SPTBN1: variants seen among roughly 807,000 people sequenced by gnomAD.
SPTBN1 encodes the protein spectrin beta, non-erythrocytic 1, also known as spectrin beta chain, non-erythrocytic 1.
SPTBN1 carries 32 observed loss-of-function variants against 266.4 expected under a neutral mutation model. That is an observed-to-expected ratio of 0.12 (90% CI 0.09 to 0.16). The LOEUF (loss-of-function observed/expected upper bound fraction) is 0.16. Ranked by LOEUF, SPTBN1 falls within the 10% of genes least tolerant of loss-of-function variation. The pLI is 1.00. For synonymous variants in SPTBN1, 1,336 were observed against 1,162.2 expected (o/e 1.15, Z -3.04); for missense variants, 2,296 against 3,067.1 (o/e 0.75, Z 5.94).
intron 1 of SPTBN1, among the ~76,000 whole-genome samples, chr2:54,500,126 A>T (rs1399580649): frequency 6.6e-6 from 1 of 152,212 alleles, no homozygotes; most frequent in East Asian, 1.9e-4. Flanking sequence ...GCGGTTTTTC[A>T]TTCTTTGAAA....
At chr2:54,512,668 C>T (rs900532715) in intron 1 of SPTBN1, among the ~76,000 whole-genome samples, 14 of 152,256 alleles carry the variant, frequency 9.2e-5, no homozygotes, top group African/African-American at 2.9e-4. Context: ...AATTTTATAA[C>T]TTACAAATTT....
intron 2 of SPTBN1, among the ~76,000 whole-genome samples, chr2:54,539,593 G>A (rs1275796453): frequency 6.6e-6 from 1 of 152,186 alleles, no homozygotes. Flanking sequence ...AGACTGGAGT[G>A]CAGTGGTGCG....
At position 54,645,335 on chromosome 2, in the gene SPTBN1, A is replaced by G. The variant is rs1489760485; in HGVS notation, c.4376A>G (p.Lys1459Arg). ...EGKSTDEVDS[K>R]RLTVQTKFME... ...AAGAGCACCGACGAGGTAGACAGCAAGCGCCTCACCGTGCAGACCAAGTTC... is the reference window on the plus strand; with the variant it reads ...AAGAGCACCGACGAGGTAGACAGCAGGCGCCTCACCGTGCAGACCAAGTTC... Residue 1459 changes from lysine (K) to arginine (R), a missense_variant, in exon 21 of 36, where the codon AAG becomes AGG. Coordinates refer to ENST00000356805, the MANE Select transcript of SPTBN1 (RefSeq NM_003128.3). This position sits in a 1 kb window ranked among gnomAD's most constrained non-coding sequence, Gnocchi z 4.3. 1 of 1,614,226 alleles carries G rather than the reference A, an allele frequency of 6.2e-7. No homozygotes were observed. Among genetic ancestry groups the G allele is most frequent in the Non-Finnish European group, 8.5e-7 (1 of 1,180,036 alleles).
At chr2:54,494,916 T>A (rs1558777666) in intron 1 of SPTBN1, among the ~76,000 whole-genome samples, 1 of 116,102 alleles carries the variant, frequency 8.6e-6, no homozygotes, top group African/African-American at 3.4e-5. Context: ...CTGTTTTTTT[T>A]TAAAAAAAAA....
chr2:54,629,356 A>T lies in SPTBN1; in HGVS notation c.2222A>T (p.Glu741Val), dbSNP rs766247389. The T allele has an allele frequency of 4.3e-6, 7 of 1,614,076 alleles. No homozygotes were observed. Among genetic ancestry groups the T allele is most frequent in the Non-Finnish European group, 5.1e-6 (6 of 1,180,014 alleles). ...TCGGCCATTCGGAAGAAGCGCCTGG[A>T]GGAGGCCTCCCTGCTGCACCAGTTC... ...QLSAIRKKRL[E>V]EASLLHQFQA... is the part of the protein sequence containing the mutation. The change falls in exon 14 of 36, where the codon GAG becomes GTG. Residue 741 changes from glutamate to valine, a missense_variant. Coordinates refer to ENST00000356805, the MANE Select transcript of SPTBN1 (RefSeq NM_003128.3).
chr2:54,505,753 G>C (rs368924671), intron 1 of SPTBN1, among the ~76,000 whole-genome samples: 1 of 152,162 alleles, frequency 6.6e-6, no homozygotes, highest in Non-Finnish European at 1.5e-5. Context: ...ATCTTCTGCT[G>C]TTGCTTCACA....
intron 2 of SPTBN1, among the ~76,000 whole-genome samples, chr2:54,541,097 C>A (rs1300557599): frequency 1.3e-5 from 2 of 152,336 alleles, no homozygotes; most frequent in East Asian, 3.9e-4. Flanking sequence ...TTAGCTTTTA[C>A]CTTTTTCTCT....
intron 1 of SPTBN1, among the ~76,000 whole-genome samples, chr2:54,464,831 G>A (rs1475258061): frequency 2.0e-5 from 3 of 152,010 alleles, no homozygotes; most frequent in Non-Finnish European, 4.4e-5. Flanking sequence ...TTGCAGGCGT[G>A]TACCACCACA....
At chr2:54,583,346 A>C (rs1434832204) in intron 2 of SPTBN1, among the ~76,000 whole-genome samples, 1 of 152,194 alleles carries the variant, frequency 6.6e-6, no homozygotes, top group Non-Finnish European at 1.5e-5. Context: ...CCTACTGCTT[A>C]GTAGAGCAAT....
In SPTBN1 at chr2:54,668,859, G is replaced by A; in HGVS notation, c.*290G>A. 1 of 339,556 alleles carries A rather than the reference G, an allele frequency of 2.9e-6. No homozygotes were observed. The highest frequency in any genetic ancestry group is 5.5e-6 in the Non-Finnish European group (1 of 180,950). The allele number at this position is 339,556 out of a possible 1,614,324, so 21.0% of individuals were successfully genotyped here. ...CTGTTCCTCAATTTTGTGAGGCTGT[G>A]TTGGAAATAACCCGCCTCTAGTGCT... On this transcript the variant is annotated 3_prime_UTR_variant, in exon 36 of 36. Coordinates refer to ENST00000356805, the MANE Select transcript of SPTBN1 (RefSeq NM_003128.3).
chr2:54,543,497 T>C (rs1419133002), intron 2 of SPTBN1, among the ~76,000 whole-genome samples: 12 of 152,160 alleles, frequency 7.9e-5, no homozygotes, highest in Admixed American at 7.9e-4. Context: ...CTGACGACAC[T>C]GGGGACCTGT....
intron 4 of SPTBN1, 126 bp from the exon 5 acceptor site, chr2:54,616,081 T>G (rs1677587286): frequency 1.5e-6 from 1 of 680,132 alleles, no homozygotes. Context: ...ATTGACAGGG[T>G]AGATCGTCTG....
At chr2:54,528,186 C>T (rs1047510215) in intron 2 of SPTBN1, 9 of 152,598 alleles carry the variant, frequency 5.9e-5, no homozygotes, top group African/African-American at 2.2e-4. Context: ...AATCTCTCAC[C>T]TCTTTTTCTT....
At chr2:54,630,799 C>G (rs1558447420) in intron 15 of SPTBN1, 56 bp from the exon 16 acceptor site, 1 of 1,509,080 alleles carries the variant, frequency 6.6e-7, no homozygotes. Flanking sequence ...CTTTTGCAAT[C>G]CAGCCATGGT....
At chr2:54,475,628 T>C (rs903620216) in intron 1 of SPTBN1, among the ~76,000 whole-genome samples, 2 of 152,180 alleles carry the variant, frequency 1.3e-5, no homozygotes, top group African/African-American at 4.8e-5. Flanking sequence ...TTCTGTGAGT[T>C]TGAGCCACAG....
intron 2 of SPTBN1, among the ~76,000 whole-genome samples, chr2:54,534,611 G>C (rs1326936330): frequency 6.6e-6 from 1 of 152,116 alleles, no homozygotes; most frequent in African/African-American, 2.4e-5. Flanking sequence ...TACTTTTTTA[G>C]GTGTAGTTTT....
Position 54,669,630 on chromosome 2 carries a change from C to G in SPTBN1, c.*1061C>G, listed in dbSNP as rs1681613938. Reference sequence around the variant, plus strand: ...ACGACCTGTACCTCTCAACTTTTGCCCTATCTGTTAAATATATGCTATGTC... The same window carrying G: ...ACGACCTGTACCTCTCAACTTTTGCGCTATCTGTTAAATATATGCTATGTC... On this transcript the variant is annotated 3_prime_UTR_variant, in exon 36 of 36. Coordinates refer to ENST00000356805, the MANE Select transcript of SPTBN1 (RefSeq NM_003128.3). The G allele has an allele frequency of 6.6e-6, 1 of 152,626 alleles. No individual in the cohort carries two copies. The highest frequency in any genetic ancestry group is 2.4e-5 in the African/African-American group (1 of 41,450). 9.5% of individuals were successfully genotyped at this position (152,626 alleles called of 1,614,324 possible). A position where few individuals can be genotyped will look rare whatever the true frequency, so the allele number is the denominator to read the frequency against.
At chr2:54,584,647 G>C (rs576337694) in intron 2 of SPTBN1, among the ~76,000 whole-genome samples, 2 of 152,248 alleles carry the variant, frequency 1.3e-5, no homozygotes, top group East Asian at 3.9e-4. Context: ...TAAGTTTCCA[G>C]CCCTTCCCAC....
chr2:54,540,826 T>A lies in SPTBN1; in HGVS notation c.148+14260T>A, dbSNP rs1671890381. ...AAGGACATACAGAGTATTAGGTGAC[T>A]ATAGTGACCAAGCAAGATAGGGAAT... is the stretch of plus-strand genomic sequence containing the variant. On this transcript the variant is annotated intron_variant, in intron 2 of 35. Transcript: ENST00000356805. The surrounding 1 kb of genome is among the most constrained non-coding windows in gnomAD (Gnocchi z 5.6). The A allele has an allele frequency of 6.6e-6, 1 of 152,250 alleles. No individual in the cohort carries two copies. Among genetic ancestry groups the A allele is most frequent in the South Asian group, 2.1e-4 (1 of 4,828 alleles). 9.4% of individuals were successfully genotyped at this position (152,250 alleles called of 1,614,324 possible). A position where few individuals can be genotyped will look rare whatever the true frequency, so the allele number is the denominator to read the frequency against.
Sources: gnomAD v4.1 joint callset for allele counts (sites outside exome capture counted in the v4.1 genomes callset) on GRCh38, gnomAD v4.1.1 for gene constraint, Gnocchi (gnomAD v3.1) non-coding constraint, MANE v1.5 for transcripts, NCBI Gene and HGNC (gene_info 2026-07-23, HGNC 2026-07-21) for gene names.